Variants in ASAH1 observed in about 807,000 individuals in gnomAD.
ASAH1 encodes the protein N-acylsphingosine amidohydrolase 1, also known as acid ceramidase.
ASAH1 carries 70 observed loss-of-function variants against 59.5 expected under a neutral mutation model. The observed-to-expected ratio is 1.18, with a 90% confidence interval of 0.97 to 1.43. The LOEUF is 1.43. Among genes scored for constraint, ASAH1 ranks in the 40% most tolerant of loss-of-function variants. The probability of loss-of-function intolerance (pLI) is 0.00; values close to 1 mark genes in which losing one functional copy is unlikely to be tolerated. For synonymous variants in ASAH1, 213 were observed against 166.5 expected (o/e 1.28, Z -2.15); for missense variants, 660 against 482.5 (o/e 1.37, Z -3.45).
chr8:18,067,557 G>C (rs1391067848), intron 4 of ASAH1: 1 of 175,592 alleles, frequency 5.7e-6, no homozygotes, highest in African/African-American at 2.4e-5. Context: ...TGTTTTTCCT[G>C]CCTTATTTTT....
upstream of ASAH1, chr8:18,084,687 CAGCAAAG>C (rs548868946): frequency 2.7e-4 from 435 of 1,613,676 alleles, 1 homozygote; most frequent in African/African-American, 4.9e-3. Context: ...TGGGCTTTCA[CAGCAAAG>C]CTGCCAAATC....
At chr8:18,067,131 C>A in intron 5 of ASAH1, 89 bp downstream of exon 5, 1 of 568,136 alleles carries the variant, frequency 1.8e-6, no homozygotes, top group Non-Finnish European at 2.4e-6. Flanking sequence ...AGACATACAG[C>A]ACCTGTGCTG....
intron 1 of ASAH1, among the ~76,000 whole-genome samples, chr8:18,078,562 G>C (rs1334060672): frequency 1.3e-5 from 2 of 152,058 alleles, no homozygotes; most frequent in Non-Finnish European, 2.9e-5. Flanking sequence ...GTGGAAAAAA[G>C]AGCTACTTCC....
At chr8:18,069,030 A>G (rs1232735707) in intron 4 of ASAH1, among the ~76,000 whole-genome samples, 3 of 151,488 alleles carry the variant, frequency 2.0e-5, no homozygotes, top group African/African-American at 7.3e-5. Flanking sequence ...AGTCCCAGCT[A>G]CTCAGGAGGC....
intron 2 of ASAH1, among the ~76,000 whole-genome samples, chr8:18,071,687 G>T (rs1800184178): frequency 6.9e-6 from 1 of 144,918 alleles, no homozygotes; most frequent in South Asian, 2.3e-4. Flanking sequence ...GATTATCACT[G>T]ACGGGAAATA....
intron 5 of ASAH1, 167 bp downstream of exon 5, chr8:18,067,053 C>T: frequency 1.9e-6 from 1 of 514,420 alleles, no homozygotes. Context: ...TGGCTACATG[C>T]ATGCATGCAT....
At chr8:18,083,926 C>T (rs1800772699) in intron 1 of ASAH1, 55 bp downstream of exon 1, 26 of 1,564,186 alleles carry the variant, frequency 1.7e-5, no homozygotes, top group Non-Finnish European at 2.1e-5. Flanking sequence ...CCTGCGCCTC[C>T]ATCCGCGCCC....
At position 18,058,893 on chromosome 8, in the gene ASAH1, TAA is replaced by T. The variant is rs762466247; in HGVS notation, c.1042-4_1042-3del. The stretch of plus-strand genomic sequence containing the variant: ...ATACATGGTTTCAAATGAGATATTC[TAA>T]AACACAAGAAAATAGTTTTGTTCAG... On this transcript the variant is annotated splice_polypyrimidine_tract_variant and splice_region_variant and intron_variant, in intron 12 of 13. Coordinates refer to ENST00000637790, the MANE Select transcript of ASAH1 (RefSeq NM_177924.5). 8 of 1,610,966 alleles carry T rather than the reference TAA, an allele frequency of 5.0e-6. No homozygotes were observed. In the Admixed American group the frequency reaches 1.3e-4, roughly 27 times the overall value.
At chr8:18,068,561 T>C (rs1800028905) in intron 4 of ASAH1, 1 of 152,242 alleles carries the variant, frequency 6.6e-6, no homozygotes, top group South Asian at 2.1e-4. Context: ...GCTAGGGCAA[T>C]GATTCTCGAC....
At position 18,057,373 on chromosome 8, in the gene ASAH1, G is replaced by C; in HGVS notation, c.*161C>G. The C allele has an allele frequency of 2.1e-6, 1 of 466,416 alleles. No homozygotes were observed. Among genetic ancestry groups the C allele is most frequent in the Non-Finnish European group, 4.1e-6 (1 of 246,042 alleles). 28.9% of individuals were successfully genotyped at this position (466,416 alleles called of 1,614,324 possible). A position where few individuals can be genotyped will look rare whatever the true frequency, so the allele number is the denominator to read the frequency against. On this transcript the variant is annotated 3_prime_UTR_variant, in exon 14 of 14. Transcript: ENST00000637790. ...TCAACTGATAGGGGGAAAAAAAAAAGATCTGTCATTTGTCAACAGATGGAC... is the reference window on the plus strand; with the variant it reads ...TCAACTGATAGGGGGAAAAAAAAAACATCTGTCATTTGTCAACAGATGGAC...
At chr8:18,061,545 C>T (rs1799700016) in intron 9 of ASAH1, 87 bp from the exon 10 acceptor site, 1 of 1,438,998 alleles carries the variant, frequency 6.9e-7, no homozygotes, top group Non-Finnish European at 9.8e-7. Flanking sequence ...ACTATATAAC[C>T]AGTCAGGAAC....
At chr8:18,070,051 G>A (rs1800097317) in intron 3 of ASAH1, among the ~76,000 whole-genome samples, 173 bp from the exon 4 acceptor site, 2 of 152,130 alleles carry the variant, frequency 1.3e-5, no homozygotes, top group Admixed American at 6.6e-5. Flanking sequence ...CACCATCTCG[G>A]CTCACTGCAA....
chr8:18,066,009 T>C (rs1194097707), intron 5 of ASAH1: 1 of 152,000 alleles, frequency 6.6e-6, no homozygotes, highest in Non-Finnish European at 1.5e-5. Flanking sequence ...TAACTGGATA[T>C]ACCACATGAG....
rs1393638695 is a variant in ASAH1, at chr8:18,057,586, C to G, written c.1136G>C (p.Gly379Ala). 5 of 1,604,522 alleles carry G rather than the reference C, an allele frequency of 3.1e-6. No individual in the cohort carries two copies. Among genetic ancestry groups the G allele is most frequent in the Non-Finnish European group, 4.3e-6 (5 of 1,173,832 alleles). ...VYTTLIDVTK[G>A]QFETYLRDCP... is the part of the protein sequence containing the mutation. ...GTCCCGCAGGTAAGTTTCGAATTGACCTTTGGTAACATCTATCAAGGTTGT... is the reference window on the plus strand; with the variant it reads ...GTCCCGCAGGTAAGTTTCGAATTGAGCTTTGGTAACATCTATCAAGGTTGT... Residue 379 changes from glycine (G) to alanine (A), a missense_variant, in exon 14 of 14, where the codon GGT (glycine) becomes GCT (alanine). Transcript: ENST00000637790.
At chr8:18,084,915 G>A, upstream of ASAH1, 1 of 1,461,514 alleles carries the variant, frequency 6.8e-7, no homozygotes, top group Non-Finnish European at 9.3e-7. Context: ...TGGCTTTCGT[G>A]CCATCCGTGG....
intron 3 of ASAH1, among the ~76,000 whole-genome samples, chr8:18,070,627 T>A (rs1255186888): frequency 6.6e-6 from 1 of 152,162 alleles, no homozygotes; most frequent in Non-Finnish European, 1.5e-5. Flanking sequence ...ATTTTATCTT[T>A]AAAGTGAATT....
At chr8:18,063,906 C>T (rs932962110) in intron 6 of ASAH1, 1 of 163,636 alleles carries the variant, frequency 6.1e-6, no homozygotes, top group African/African-American at 2.4e-5. Context: ...TCCCCTAGAG[C>T]AGGACATCTC....
chr8:18,082,654 C>T (rs1800700826), intron 1 of ASAH1: 2 of 152,220 alleles, frequency 1.3e-5, no homozygotes, highest in Non-Finnish European at 2.9e-5. Context: ...GTTCCTCAGT[C>T]TTACCCCAAA....
upstream of ASAH1, chr8:18,084,133 C>A: frequency 6.3e-7 from 1 of 1,576,040 alleles, no homozygotes; most frequent in South Asian, 1.1e-5. Flanking sequence ...GGGCAGGCCA[C>A]GCCCCCTCCG....
Sources: allele counts gnomAD v4.1 joint callset (sites outside exome capture counted in the v4.1 genomes callset), GRCh38; gene constraint gnomAD v4.1.1; transcripts MANE v1.5; gene names NCBI Gene and HGNC (gene_info 2026-07-23, HGNC 2026-07-21).